KIF25: variants seen among roughly 807,000 people sequenced by gnomAD.
KIF25 encodes kinesin-like protein KIF25.
Under a neutral mutation model 32.9 loss-of-function variants are expected in KIF25, and 19 were observed. That is an observed-to-expected ratio of 0.58 (90% CI 0.40 to 0.85). The LOEUF is 0.85. Among genes scored for constraint, KIF25 ranks in the 40% least tolerant of loss-of-function variants. KIF25 has a pLI of 0.00. For synonymous variants in KIF25, 225 were observed against 213.7 expected, an observed-to-expected ratio of 1.05 and a Z score of -0.46; for missense variants, 485 against 507.0, an observed-to-expected ratio of 0.96 and a Z score of 0.42.
At chr6:168,010,544 A>G (rs997585967) in intron 4 of KIF25, among the ~76,000 whole-genome samples, 1 of 152,154 alleles carries the variant, frequency 6.6e-6, no homozygotes, top group South Asian at 2.1e-4. Context: ...GTGTCCTAAC[A>G]TGTGGTCAAT....
chr6:168,042,738 C>T, intron 12 of KIF25, 22 bp downstream of exon 12: 2 of 1,598,924 alleles, frequency 1.3e-6, no homozygotes, highest in Non-Finnish European at 1.7e-6. Context: ...CCCCAAAATG[C>T]CCCAGGATGG....
intron 10 of KIF25, 35 bp from the exon 11 acceptor site, chr6:168,041,934 T>A: frequency 6.5e-7 from 1 of 1,546,188 alleles, no homozygotes; most frequent in Non-Finnish European, 8.7e-7. Context: ...TTCATGCAAC[T>A]GTTTTCCTCC....
chr6:168,043,590 A>G (rs556375098), intron 12 of KIF25, among the ~76,000 whole-genome samples: 1 of 152,346 alleles, frequency 6.6e-6, no homozygotes, highest in African/African-American at 2.4e-5. Flanking sequence ...TCACAGGAGC[A>G]TATTTTTGGA....
intron 5 of KIF25, among the ~76,000 whole-genome samples, chr6:168,028,094 G>C (rs1485772663): frequency 6.6e-6 from 1 of 152,034 alleles, no homozygotes; most frequent in Non-Finnish European, 1.5e-5. Context: ...GGTCTGTTGG[G>C]AATGTGTCCT....
chr6:168,030,995 C>G (rs1272547811), intron 7 of KIF25, 148 bp downstream of exon 7: 4 of 578,928 alleles, frequency 6.9e-6, no homozygotes, highest in African/African-American at 1.9e-5. Context: ...AGCATGGACT[C>G]CACTTGCATC....
intron 8 of KIF25, among the ~76,000 whole-genome samples, chr6:168,037,663 CTCT>C (rs1799043997): frequency 6.6e-6 from 1 of 152,062 alleles, no homozygotes; most frequent in Non-Finnish European, 1.5e-5. Context: ...CTCTCTCTCT[CTCT>C]CTCTGTAGTA....
rs146787013 is a variant in KIF25 at position 168,042,635 on chromosome 6, G to A, written c.904G>A (p.Val302Ile). 1,955 of 1,613,844 alleles carry A rather than the reference G, an allele frequency of 1.2e-3. 20 individuals carry two copies. The African/African-American group carries it at 0.024, about 19-fold the overall frequency. Residue 302 changes from valine (V) to isoleucine (I), a missense_variant, in exon 12 of 13, where the codon GTC becomes ATC. Coordinates refer to ENST00000643607, the MANE Select transcript of KIF25 (RefSeq NM_030615.4). ...CCGCAGCCTTGCGGCCCTGGCAGGC[G>A]TCCTGGGGGCTTTGTTGGAGCACCG... is the stretch of plus-strand genomic sequence containing the variant. The part of the protein sequence containing the change: ...ISRSLAALAG[V>I]LGALLEHRGH...
At chr6:168,035,479 T>TGCGGGGGGGGCGGGAACGGA in intron 8 of KIF25, among the ~76,000 whole-genome samples, 1 of 28,816 alleles carries the variant, frequency 3.5e-5, no homozygotes, top group South Asian at 1.6e-3. Context: ...GCGGGAACGG[T>TGCGGGGGGGGCGGGAACGGA]GCTGAGGTGG....
chr6:168,044,038 G>T lies in KIF25; in HGVS notation c.986-789G>T, dbSNP rs79798951. ...CCCAGGGGGCTGAGCGTCCCTCAGGGTCATGTGCAGACTCAACCTAGGGCT... is the reference window on the plus strand; with the variant it reads ...CCCAGGGGGCTGAGCGTCCCTCAGGTTCATGTGCAGACTCAACCTAGGGCT... On this transcript the variant is annotated intron_variant, in intron 12 of 12. Transcript: ENST00000643607. Among the ~76,000 whole-genome samples, 3 of 152,216 alleles carry T rather than the reference G, an allele frequency of 2.0e-5. No homozygotes were observed. The East Asian group carries it at 5.8e-4, about 29-fold the overall frequency.
At chr6:168,000,957 G>C (rs569985628) in intron 2 of KIF25, among the ~76,000 whole-genome samples, 83 of 152,320 alleles carry the variant, frequency 5.4e-4, no homozygotes, top group African/African-American at 1.9e-3. Flanking sequence ...GAAAGCACTT[G>C]GCCGGTTCTA....
chr6:168,035,462 G>GA (rs1799006955), intron 8 of KIF25, among the ~76,000 whole-genome samples: 1 of 112,176 alleles, frequency 8.9e-6, no homozygotes, highest in African/African-American at 4.4e-5. Flanking sequence ...ACGGCGCTGC[G>GA]GGGGGGGCGG....
chr6:168,004,510 T>C (rs1798551957), intron 4 of KIF25, among the ~76,000 whole-genome samples: 1 of 152,174 alleles, frequency 6.6e-6, no homozygotes, highest in Non-Finnish European at 1.5e-5. Context: ...GTCCTTCCTG[T>C]AGGAAACATA....
At chr6:168,041,662 G>T (rs1799120984) in intron 10 of KIF25, among the ~76,000 whole-genome samples, 2 of 152,210 alleles carry the variant, frequency 1.3e-5, no homozygotes, top group Non-Finnish European at 2.9e-5. Flanking sequence ...AGGGCTCATA[G>T]ATTTTCTGAG....
chr6:168,037,733 A>G (rs1475085897), intron 8 of KIF25, among the ~76,000 whole-genome samples: 1 of 152,072 alleles, frequency 6.6e-6, no homozygotes, highest in Non-Finnish European at 1.5e-5. Context: ...ACATGGAGCA[A>G]AATAAGATGT....
intron 5 of KIF25, among the ~76,000 whole-genome samples, chr6:168,022,696 A>T (rs1798803194): frequency 7.3e-6 from 1 of 136,566 alleles, no homozygotes. Context: ...TGATTTATTT[A>T]TTTTGTGTTT....
chr6:168,042,267 C>T, intron 11 of KIF25, 116 bp downstream of exon 11: 2 of 1,105,078 alleles, frequency 1.8e-6, no homozygotes, highest in South Asian at 1.6e-5. Context: ...GGCATTTCCC[C>T]CTCCACAGGT....
At chr6:168,035,718 C>G (rs1217544080) in intron 8 of KIF25, 2 of 456,136 alleles carry the variant, frequency 4.4e-6, no homozygotes, top group Admixed American at 4.7e-5. Flanking sequence ...TTCTGAGTCT[C>G]GGGTGCTGTG....
intron 5 of KIF25, among the ~76,000 whole-genome samples, chr6:168,018,650 A>G (rs1319637924): frequency 6.6e-6 from 1 of 152,190 alleles, no homozygotes; most frequent in African/African-American, 2.4e-5. Context: ...GTCGTGGTGT[A>G]TTCCCAGGGT....
At chr6:168,005,306 A>G (rs1165946759) in intron 4 of KIF25, among the ~76,000 whole-genome samples, 1 of 152,156 alleles carries the variant, frequency 6.6e-6, no homozygotes, top group East Asian at 1.9e-4. Flanking sequence ...GGGGAAGAGC[A>G]TCGGATTTGT....
Sources: allele counts gnomAD v4.1 joint callset (sites outside exome capture counted in the v4.1 genomes callset), GRCh38; gene constraint gnomAD v4.1.1; transcripts MANE v1.5; gene names NCBI Gene and HGNC (gene_info 2026-07-23, HGNC 2026-07-21).